The following PCDHA5 variants were observed in gnomAD, a reference collection of about 807,000 sequenced individuals.
The protein encoded by PCDHA5 is protocadherin alpha 5, also known as protocadherin alpha-5.
Under a neutral mutation model 61.6 loss-of-function variants are expected in PCDHA5, and 43 were observed. That is an observed-to-expected ratio of 0.70 (90% confidence interval 0.55 to 0.90). PCDHA5 has a LOEUF of 0.90. Ranked by LOEUF, PCDHA5 falls within the 40% of genes least tolerant of loss-of-function variation. The pLI, the probability that PCDHA5 is intolerant of heterozygous loss-of-function variation, is 0.00. For synonymous variants in PCDHA5, 627 were observed against 543.9 expected (o/e 1.15, Z -2.13); for missense variants, 1,298 against 1,222.7 (o/e 1.06, Z -0.92).
intron 3 of PCDHA5, among the ~76,000 whole-genome samples, chr5:141,003,860 G>T (rs1224171720): frequency 6.6e-6 from 1 of 152,136 alleles, no homozygotes; most frequent in African/African-American, 2.4e-5. Flanking sequence ...ATTTATATGT[G>T]TCTGAAATCC....
chr5:140,857,420 G>T lies in PCDHA5; in HGVS notation c.2352+33293G>T. The T allele has an allele frequency of 6.9e-6, 11 of 1,598,360 alleles. 1 individual carries two copies. Among genetic ancestry groups the T allele is most frequent in the Non-Finnish European group, 8.6e-6 (10 of 1,167,812 alleles). On this transcript the variant is annotated intron_variant, in intron 1 of 3. Coordinates refer to ENST00000529859, the MANE Select transcript of PCDHA5 (RefSeq NM_018908.3). Reference sequence around the variant, plus strand: ...CAACGCGCCTGCGTTCGCGCAGTCCGAGTACACGGTGTTCGTGAAGGAGAA... The same window carrying T: ...CAACGCGCCTGCGTTCGCGCAGTCCTAGTACACGGTGTTCGTGAAGGAGAA...
At chr5:140,960,853 T>C (rs1554225072) in intron 1 of PCDHA5, among the ~76,000 whole-genome samples, 2 of 152,214 alleles carry the variant, frequency 1.3e-5, no homozygotes, top group Non-Finnish European at 1.5e-5. Flanking sequence ...ATGGCAACTA[T>C]AAGCCAGAAA....
intron 1 of PCDHA5, chr5:140,828,974 A>G (rs1314280199): frequency 1.2e-6 from 2 of 1,614,192 alleles, no homozygotes; most frequent in Non-Finnish European, 1.7e-6. Context: ...CCACTTTAGC[A>G]TAGATCGAAA....
chr5:141,001,286 A>G (rs1375093882), intron 3 of PCDHA5, among the ~76,000 whole-genome samples: 1 of 152,160 alleles, frequency 6.6e-6, no homozygotes, highest in Non-Finnish European at 1.5e-5. Context: ...TACGGATGAA[A>G]ACTGAGGCCC....
At position 141,010,191 on chromosome 5, in the gene PCDHA5, C is replaced by T; in HGVS notation, c.*254C>T. 1 of 1,552,476 alleles carries T rather than the reference C, an allele frequency of 6.4e-7. No homozygotes were observed. The highest frequency in any genetic ancestry group is 1.4e-5 in the African/African-American group (1 of 73,166). ...AACCTAAAAAGCAGACCCAAGTTTCCTTTCTCCTCCGCCGCAAAGGAGAGG... is the reference window on the plus strand; with the variant it reads ...AACCTAAAAAGCAGACCCAAGTTTCTTTTCTCCTCCGCCGCAAAGGAGAGG... On this transcript the variant is annotated 3_prime_UTR_variant, in exon 4 of 4. Transcript: ENST00000529859.
intron 1 of PCDHA5, among the ~76,000 whole-genome samples, chr5:140,955,559 A>G (rs1220948022): frequency 6.6e-6 from 1 of 152,164 alleles, no homozygotes; most frequent in African/African-American, 2.4e-5. Flanking sequence ...CTCCCCAGCC[A>G]TACTGAACTG....
rs2150253454 is a variant in PCDHA5 at position 140,836,128 on chromosome 5, C to G, written c.2352+12001C>G. ...GGTGGCGCAGTGAGAGAGCTTGTGC[C>G]GCGGTCTGTGGGCGCGGGCCATGTG... On this transcript the variant is annotated intron_variant, in intron 1 of 3. Transcript: ENST00000529859. 13 of 1,613,624 alleles carry G rather than the reference C, an allele frequency of 8.1e-6. 2 individuals are homozygous for G. Among genetic ancestry groups the G allele is most frequent in the African/African-American group, 4.0e-5 (3 of 74,864 alleles).
In PCDHA5 at chr5:140,883,463, T is replaced by C. The variant is rs1028584234; in HGVS notation, c.2352+59336T>C. On this transcript the variant is annotated intron_variant, in intron 1 of 3. Transcript: ENST00000529859. ...GCCGCATGTCCCCTTCAAGCTGGTGTCCACCTACAAGAACTACTACTCATT... is the reference window on the plus strand; with the variant it reads ...GCCGCATGTCCCCTTCAAGCTGGTGCCCACCTACAAGAACTACTACTCATT... 44 of 1,614,040 alleles carry C rather than the reference T, an allele frequency of 2.7e-5. No individual in the cohort carries two copies. Among genetic ancestry groups the C allele is most frequent in the Non-Finnish European group, 3.6e-5 (42 of 1,180,048 alleles).
intron 1 of PCDHA5, chr5:140,862,228 T>C (rs1247109904): frequency 9.6e-6 from 2 of 209,024 alleles, no homozygotes; most frequent in Non-Finnish European, 1.9e-5. Flanking sequence ...ATAGAAGTCT[T>C]GGACATCAAT....
intron 1 of PCDHA5, among the ~76,000 whole-genome samples, chr5:140,934,787 C>A (rs1383149637): frequency 6.6e-6 from 1 of 152,096 alleles, no homozygotes; most frequent in African/African-American, 2.4e-5. Context: ...CAATCCATGT[C>A]AATTATCTTT....
At chr5:140,938,719 T>A (rs1484492024) in intron 1 of PCDHA5, among the ~76,000 whole-genome samples, 2 of 152,098 alleles carry the variant, frequency 1.3e-5, no homozygotes, top group African/African-American at 4.8e-5. Context: ...TAGAAACGCG[T>A]TTCTACAGAA....
At chr5:140,950,358 G>A (rs1474217490) in intron 1 of PCDHA5, among the ~76,000 whole-genome samples, 3 of 151,864 alleles carry the variant, frequency 2.0e-5, no homozygotes, top group Admixed American at 1.3e-4. Context: ...TCCTTTATCT[G>A]AAGATCTATT....
At chr5:140,891,402 C>T (rs2153434100) in intron 1 of PCDHA5, among the ~76,000 whole-genome samples, 1 of 151,650 alleles carries the variant, frequency 6.6e-6, no homozygotes, top group East Asian at 1.9e-4. Context: ...TATCCCTCGC[C>T]ACCCCCCACT....
intron 1 of PCDHA5, among the ~76,000 whole-genome samples, chr5:140,917,324 C>CGGGG (rs1299895515): frequency 3.9e-5 from 3 of 76,180 alleles, no homozygotes; most frequent in African/African-American, 8.6e-5. Context: ...GTTCATGTGG[C>CGGGG]GGGGGAGGGG....
intron 1 of PCDHA5, chr5:140,837,064 G>A: frequency 5.4e-6 from 1 of 186,332 alleles, no homozygotes; most frequent in Non-Finnish European, 1.1e-5. Context: ...TCCATATTTT[G>A]ATAATCAATA....
rs1404110882 is a variant in PCDHA5 at position 140,968,973 on chromosome 5, C to A, written c.2353-9976C>A. On this transcript the variant is annotated intron_variant, in intron 1 of 3. Transcript: ENST00000529859. ...ATCATCAAGTGCTACCGCTACACTG[C>A]GTATGGCACTGCATGCTGTGGAGGC... is the stretch of plus-strand genomic sequence containing the variant. The A allele has an allele frequency of 6.2e-7, 1 of 1,614,194 alleles. No homozygotes were observed. The highest frequency in any genetic ancestry group is 1.3e-5 in the African/African-American group (1 of 75,044).
chr5:140,924,872 G>A (rs1161649938), intron 1 of PCDHA5, among the ~76,000 whole-genome samples: 2 of 149,350 alleles, frequency 1.3e-5, no homozygotes, highest in South Asian at 2.1e-4. Context: ...TCCAGCCTGG[G>A]TGACAGAGCA....
chr5:140,937,644 G>A (rs1554211697), intron 1 of PCDHA5, among the ~76,000 whole-genome samples: 1 of 151,048 alleles, frequency 6.6e-6, no homozygotes, highest in African/African-American at 2.4e-5. Flanking sequence ...AGGGCATGGT[G>A]GCTCACGCCT....
chr5:140,828,568 T>G lies in PCDHA5; in HGVS notation c.2352+4441T>G. 6.2e-7 allele frequency: 1 copy of G among 1,614,248 alleles called. No homozygotes were observed. Among genetic ancestry groups the G allele is most frequent in the African/African-American group, 1.3e-5 (1 of 75,060 alleles). On this transcript the variant is annotated intron_variant, in intron 1 of 3. Coordinates refer to ENST00000529859, the MANE Select transcript of PCDHA5 (RefSeq NM_018908.3). ...TGTTTCCACTGGAGGGCGCGTCCGA[T>G]GCAGATGTTGGCTCAAATTCCATCT...
Sources: gnomAD v4.1 joint callset for allele counts (sites outside exome capture counted in the v4.1 genomes callset) on GRCh38, gnomAD v4.1.1 for gene constraint, MANE v1.5 for transcripts, NCBI Gene and HGNC (gene_info 2026-07-23, HGNC 2026-07-21) for gene names.